ZNF385D: variants seen among roughly 807,000 people sequenced by gnomAD.
ZNF385D encodes the protein zinc finger protein 659.
In ZNF385D, 15 loss-of-function variants were observed where a neutral mutation model predicts 35.8. That is an observed-to-expected ratio of 0.42 (90% confidence interval 0.28 to 0.64). The LOEUF (loss-of-function observed/expected upper bound fraction) is 0.64. Among genes scored for constraint, ZNF385D ranks in the 30% least tolerant of loss-of-function variants. ZNF385D has a pLI of 0.23. For synonymous variants in ZNF385D, 212 were observed against 186.8 expected, an observed-to-expected ratio of 1.13 and a Z score of -1.10; for missense variants, 474 against 494.6, an observed-to-expected ratio of 0.96 and a Z score of 0.39.
At chr3:21,462,131 G>C (rs1703217410) in intron 4 of ZNF385D, among the ~76,000 whole-genome samples, 2 of 152,096 alleles carry the variant, frequency 1.3e-5, no homozygotes, top group African/African-American at 2.4e-5. Context: ...CCTTAGACTA[G>C]AAACTCCACA....
intron 5 of ZNF385D, among the ~76,000 whole-genome samples, chr3:21,430,786 C>A (rs1285682215): frequency 6.6e-6 from 1 of 152,116 alleles, no homozygotes; most frequent in Non-Finnish European, 1.5e-5. Context: ...GCTTTTATAT[C>A]CATTCCCCAA....
At chr3:22,299,422 T>A (rs1000945910) in intron 2 of ZNF385D, among the ~76,000 whole-genome samples, 2 of 151,668 alleles carry the variant, frequency 1.3e-5, no homozygotes, top group African/African-American at 4.8e-5. Flanking sequence ...ACGGGGGGAA[T>A]GGAGGAATAT....
At chr3:22,277,310 G>C (rs1279887095) in intron 2 of ZNF385D, among the ~76,000 whole-genome samples, 1 of 152,084 alleles carries the variant, frequency 6.6e-6, no homozygotes, top group Non-Finnish European at 1.5e-5. Flanking sequence ...GTAGCTTTGA[G>C]AGGCTGAACC....
At chr3:22,082,944 G>A (rs1393272816) in intron 3 of ZNF385D, among the ~76,000 whole-genome samples, 1 of 152,188 alleles carries the variant, frequency 6.6e-6, no homozygotes, top group Non-Finnish European at 1.5e-5. Context: ...AGGGTCTGGG[G>A]TGGACCTCCA....
At chr3:21,536,453 T>C (rs913971744) in intron 3 of ZNF385D, among the ~76,000 whole-genome samples, 1 of 152,042 alleles carries the variant, frequency 6.6e-6, no homozygotes, top group African/African-American at 2.4e-5. Flanking sequence ...ATGGTTTGAG[T>C]TGGAAAGAGG....
intron 3 of ZNF385D, among the ~76,000 whole-genome samples, chr3:21,993,804 G>C (rs182458527): frequency 1.3e-5 from 2 of 152,096 alleles, no homozygotes; most frequent in African/African-American, 4.8e-5. Flanking sequence ...CACATATAGC[G>C]TCCTTACTCA....
At chr3:21,562,934 G>A (rs528321835) in intron 3 of ZNF385D, among the ~76,000 whole-genome samples, 102 of 152,184 alleles carry the variant, frequency 6.7e-4, no homozygotes, top group African/African-American at 2.0e-3. Flanking sequence ...CTCAAAGTGC[G>A]CAGCATTAAA....
At chr3:22,172,785 T>C (rs1360675825) in intron 2 of ZNF385D, among the ~76,000 whole-genome samples, 4 of 152,206 alleles carry the variant, frequency 2.6e-5, no homozygotes, top group Non-Finnish European at 1.5e-5. Flanking sequence ...TAAATATAAA[T>C]GAAGGAGATA....
At chr3:21,816,411 G>A (rs1027067509) in intron 3 of ZNF385D, among the ~76,000 whole-genome samples, 2 of 152,166 alleles carry the variant, frequency 1.3e-5, no homozygotes, top group Middle Eastern at 3.2e-3. Flanking sequence ...CAGATGACAT[G>A]ATTGTATATC....
At chr3:21,513,349 T>A (rs1325548742) in intron 3 of ZNF385D, among the ~76,000 whole-genome samples, 1 of 152,058 alleles carries the variant, frequency 6.6e-6, no homozygotes, top group East Asian at 1.9e-4. Context: ...GGTGACAAAA[T>A]GACCAGAAGT....
intron 3 of ZNF385D, among the ~76,000 whole-genome samples, chr3:21,927,060 G>A (rs1400087224): frequency 1.3e-5 from 2 of 152,062 alleles, no homozygotes; most frequent in South Asian, 2.1e-4. Context: ...TTGCAGTAAT[G>A]AGGGAGTTCT....
intron 3 of ZNF385D, among the ~76,000 whole-genome samples, chr3:21,912,102 C>A (rs1699989994): frequency 6.6e-6 from 1 of 151,860 alleles, no homozygotes; most frequent in Non-Finnish European, 1.5e-5. Flanking sequence ...TACTTAGGCT[C>A]ACTTCAAAAT....
At chr3:22,156,896 C>G (rs565301325) in intron 3 of ZNF385D, among the ~76,000 whole-genome samples, 58 of 152,152 alleles carry the variant, frequency 3.8e-4, no homozygotes, top group African/African-American at 1.3e-3. Flanking sequence ...TTTGCTTTAC[C>G]CACTTCATTT....
Position 21,699,984 on chromosome 3 carries a change from AC to A in ZNF385D, c.23-34957del, listed in dbSNP as rs2067619214. Reference sequence around the variant, plus strand: ...GTAGCTGGGATTACAGGTGCATGCCACCATGCCCAGCTAATTTTTGTATTTT... The same window carrying A: ...GTAGCTGGGATTACAGGTGCATGCCACATGCCCAGCTAATTTTTGTATTTT... On this transcript the variant is annotated intron_variant, in intron 1 of 7. Transcript: ENST00000281523. Among the ~76,000 whole-genome samples, 4 of 151,782 alleles carry A rather than the reference AC, an allele frequency of 2.6e-5. No individual in the cohort carries two copies. In the South Asian group the frequency reaches 8.3e-4, roughly 31 times the overall value.
chr3:21,612,993 C>CTT (rs11336822), intron 2 of ZNF385D, among the ~76,000 whole-genome samples: 2 of 137,258 alleles, frequency 1.5e-5, no homozygotes, highest in Non-Finnish European at 3.1e-5. Flanking sequence ...TTTCTTTTTT[C>CTT]TTTTTTTTTT....
intron 3 of ZNF385D, among the ~76,000 whole-genome samples, chr3:21,926,309 G>C (rs960036564): frequency 6.6e-6 from 1 of 151,814 alleles, no homozygotes; most frequent in Non-Finnish European, 1.5e-5. Flanking sequence ...ACAGGACCCA[G>C]TGTGTGATGC....
At chr3:21,887,785 T>A (rs1003976260) in intron 3 of ZNF385D, among the ~76,000 whole-genome samples, 8 of 151,992 alleles carry the variant, frequency 5.3e-5, no homozygotes, top group Admixed American at 1.3e-4. Context: ...AAAATACTCT[T>A]GAGATACCAT....
intron 4 of ZNF385D, among the ~76,000 whole-genome samples, chr3:21,441,282 T>A (rs1392888338): frequency 1.3e-5 from 2 of 152,178 alleles, no homozygotes; most frequent in Non-Finnish European, 2.9e-5. Context: ...GAAGCACTTT[T>A]AAAGTATTTA....
intron 3 of ZNF385D, among the ~76,000 whole-genome samples, chr3:22,164,216 C>CTTTTTTTTTGTTTT (rs1706158365): frequency 1.3e-5 from 1 of 74,910 alleles, no homozygotes; most frequent in East Asian, 5.7e-4. Flanking sequence ...AAAAGGAGCA[C>CTTTTTTTTTGTTTT]TTTTTTTTTT....
Sources: gnomAD v4.1 joint callset for allele counts (sites outside exome capture counted in the v4.1 genomes callset) on GRCh38, gnomAD v4.1.1 for gene constraint, MANE v1.5 for transcripts, NCBI Gene and HGNC (gene_info 2026-07-23, HGNC 2026-07-21) for gene names.